WDR4: variants seen among roughly 807,000 people sequenced by gnomAD.
The protein encoded by WDR4 is tRNA (guanine-N(7)-)-methyltransferase non-catalytic subunit WDR4.
In WDR4, 47 loss-of-function variants were observed where a neutral mutation model predicts 48.6. That is an observed-to-expected ratio of 0.97 (90% CI 0.77 to 1.23). WDR4 has a LOEUF of 1.23. WDR4 is among the 50% of genes most tolerant of loss of function. The pLI is 0.00. For missense variants in WDR4, 606 were observed against 551.6 expected, an observed-to-expected ratio of 1.10 and a Z score of -0.99; for synonymous variants, 268 against 230.0, an observed-to-expected ratio of 1.17 and a Z score of -1.49.
intron 3 of WDR4, among the ~76,000 whole-genome samples, chr21:42,864,986 C>G (rs1048103262): frequency 3.3e-5 from 5 of 152,202 alleles, no homozygotes; most frequent in Admixed American, 2.0e-4. Context: ...AAGTACAGGG[C>G]GCCCGGCCCA....
chr21:42,878,377 C>A (rs555812501), intron 1 of WDR4, among the ~76,000 whole-genome samples: 14 of 152,324 alleles, frequency 9.2e-5, no homozygotes, highest in Admixed American at 2.6e-4. Flanking sequence ...CCTCAAAATG[C>A]AAAGACTGAA....
chr21:42,852,106 T>TGCCCC, intron 10 of WDR4, 149 bp downstream of exon 10: 1 of 842,494 alleles, frequency 1.2e-6, no homozygotes, highest in East Asian at 2.7e-5. Flanking sequence ...CCTCCTGCCC[T>TGCCCC]GCCCCGCCTT....
intron 2 of WDR4, 28 bp downstream of exon 2, chr21:42,876,674 G>A (rs2058499359): frequency 6.2e-6 from 10 of 1,605,880 alleles, no homozygotes; most frequent in Non-Finnish European, 7.7e-6. Context: ...ATTAAAGCAG[G>A]CCCTGAAAAA....
At chr21:42,868,190 C>T (rs2058291157) in intron 3 of WDR4, among the ~76,000 whole-genome samples, 1 of 152,162 alleles carries the variant, frequency 6.6e-6, no homozygotes, top group Non-Finnish European at 1.5e-5. Context: ...AGTCAGAACC[C>T]CTGGAGGAGC....
At chr21:42,851,072 C>T (rs943054602) in intron 10 of WDR4, among the ~76,000 whole-genome samples, 2 of 152,196 alleles carry the variant, frequency 1.3e-5, no homozygotes, top group Non-Finnish European at 1.5e-5. Flanking sequence ...AAGTCTGCGC[C>T]GGGAACAGGC....
downstream of WDR4, among the ~76,000 whole-genome samples, chr21:42,847,258 G>A (rs1488789542): frequency 6.6e-6 from 1 of 152,214 alleles, no homozygotes; most frequent in East Asian, 1.9e-4. Flanking sequence ...ACGGGAAGGT[G>A]GTGGGTGCTG....
chr21:42,879,212 C>G (rs963684830), intron 1 of WDR4, 195 bp downstream of exon 1: 26 of 1,326,820 alleles, frequency 2.0e-5, no homozygotes, highest in Non-Finnish European at 2.5e-5. Flanking sequence ...CGAGAGCGGA[C>G]GGCGAAAGCG....
intron 6 of WDR4, among the ~76,000 whole-genome samples, chr21:42,857,057 A>T (rs1401211673): frequency 6.6e-6 from 1 of 152,130 alleles, no homozygotes; most frequent in East Asian, 1.9e-4. Flanking sequence ...GCCAAAGACC[A>T]AACCGGGCCA....
intron 9 of WDR4, 24 bp downstream of exon 9, chr21:42,853,545 C>A (rs1447586977): frequency 1.3e-6 from 2 of 1,598,526 alleles, no homozygotes; most frequent in East Asian, 4.5e-5. Flanking sequence ...GGGCATAGGA[C>A]ATCTGGAAGG....
chr21:42,886,194 C>T, the WDR4 span, among the ~76,000 whole-genome samples: 21 of 152,100 alleles, frequency 1.4e-4, no homozygotes, highest in African/African-American at 4.3e-4. Flanking sequence ...TGACGTCAGG[C>T]AATCCCACCG....
rs750771860 is a variant in WDR4, at chr21:42,876,787, A to G, written c.90-20T>C. On this transcript the variant is annotated intron_variant, in intron 1 of 10. Transcript: ENST00000398208. The stretch of plus-strand genomic sequence containing the variant: ...TCATCACTAAAGAGAAATAACAATA[A>G]TTTTAAAAGGAGTTATCATTAGAGA... 1.3e-6 allele frequency: 2 copies of G among 1,599,276 alleles called. No individual in the cohort carries two copies. The highest frequency in any genetic ancestry group is 1.7e-6 in the Non-Finnish European group (2 of 1,175,134).
At chr21:42,855,848 G>A in intron 6 of WDR4, 68 bp from the exon 7 acceptor site, 1 of 1,331,560 alleles carries the variant, frequency 7.5e-7, no homozygotes, top group Non-Finnish European at 1.0e-6. Context: ...TGACAGAGAG[G>A]ACAGCTGCGT....
At chr21:42,867,869 G>A (rs2146074318) in intron 3 of WDR4, among the ~76,000 whole-genome samples, 1 of 152,114 alleles carries the variant, frequency 6.6e-6, no homozygotes, top group East Asian at 1.9e-4. Context: ...CAGCCTCCCA[G>A]AGTTTTACCA....
intron 4 of WDR4, 61 bp downstream of exon 4, chr21:42,863,379 G>A (rs922352446): frequency 5.2e-6 from 8 of 1,542,856 alleles, no homozygotes; most frequent in Admixed American, 3.8e-5. Context: ...CACGTGCCAC[G>A]TCCCCCATGT....
chr21:42,892,957 G>C, the WDR4 span, among the ~76,000 whole-genome samples: 1 of 152,260 alleles, frequency 6.6e-6, no homozygotes, highest in Non-Finnish European at 1.5e-5. Context: ...AGGCTGCGAG[G>C]ACAAGGGCAA....
chr21:42,847,338 G>GT (rs1433581602), downstream of WDR4, among the ~76,000 whole-genome samples: 2 of 152,198 alleles, frequency 1.3e-5, no homozygotes, highest in Non-Finnish European at 2.9e-5. Context: ...CCATGCAACT[G>GT]TAAGAGGTAT....
At chr21:42,875,337 G>A (rs2058466493) in intron 2 of WDR4, among the ~76,000 whole-genome samples, 1 of 152,072 alleles carries the variant, frequency 6.6e-6, no homozygotes, top group Non-Finnish European at 1.5e-5. Context: ...GGATCACGAG[G>A]TCAGGAGATC....
chr21:42,857,668 A>T (rs1256541794), intron 6 of WDR4, among the ~76,000 whole-genome samples: 1 of 152,220 alleles, frequency 6.6e-6, no homozygotes, highest in Non-Finnish European at 1.5e-5. Context: ...GGCAAGAAAG[A>T]ACTAAAGATT....
At position 42,850,251 on chromosome 21, in the gene WDR4, G is replaced by T; in HGVS notation, c.1046-9C>A. 2 of 1,584,030 alleles carry T rather than the reference G, an allele frequency of 1.3e-6. No homozygotes were observed. The highest frequency in any genetic ancestry group is 1.1e-5 in the South Asian group (1 of 87,958). On this transcript the variant is annotated splice_polypyrimidine_tract_variant and intron_variant, in intron 10 of 10. Transcript: ENST00000398208. ...GTCTGCGCCGGCAGAGCCTGTGATG[G>T]GGGAACAAGGACAGGTGCCAGGTGG... is the stretch of plus-strand genomic sequence containing the variant.
Sources: allele counts gnomAD v4.1 joint callset (sites outside exome capture counted in the v4.1 genomes callset), GRCh38; gene constraint gnomAD v4.1.1; transcripts MANE v1.5; gene names NCBI Gene and HGNC (gene_info 2026-07-23, HGNC 2026-07-21).